The following ALG12 variants were observed in gnomAD, a reference collection of about 807,000 sequenced individuals.
The protein encoded by ALG12 is ALG12 alpha-1,6-mannosyltransferase, also known as dol-P-Man:Man(7)GlcNAc(2)-PP-Dol alpha-1,6-mannosyltransferase.
ALG12 carries 36 observed loss-of-function variants against 46.0 expected under a neutral mutation model. That is an observed-to-expected ratio of 0.78 (90% CI 0.60 to 1.03). ALG12 has a LOEUF of 1.03. Among genes scored for constraint, ALG12 ranks in the 50% least tolerant of loss-of-function variants. The pLI is 0.00. For synonymous variants in ALG12, 326 were observed against 291.6 expected (o/e 1.12, Z -1.20); for missense variants, 599 against 633.5 (o/e 0.95, Z 0.58).
the ALG12 span, among the ~76,000 whole-genome samples, chr22:49,891,460 C>A: frequency 6.6e-6 from 1 of 152,172 alleles, no homozygotes; most frequent in Middle Eastern, 3.2e-3. Context: ...CAATATTTTC[C>A]TTGCAAATTG....
intron 3 of ALG12, among the ~76,000 whole-genome samples, chr22:49,911,410 T>C (rs527365908): frequency 1.3e-5 from 2 of 152,104 alleles, no homozygotes; most frequent in African/African-American, 2.4e-5. Flanking sequence ...TTTTCACTGA[T>C]TGCTGGATTC....
the ALG12 span, among the ~76,000 whole-genome samples, chr22:49,869,181 C>A: frequency 6.6e-6 from 1 of 151,224 alleles, no homozygotes; most frequent in African/African-American, 2.4e-5. Context: ...GTCTTGTGAT[C>A]TCAGGGTCAG....
At chr22:49,885,414 G>A in the ALG12 span, 1 of 1,605,564 alleles carries the variant, frequency 6.2e-7, no homozygotes, top group Non-Finnish European at 8.5e-7. Context: ...ACTGTGGCCG[G>A]ACCATCAGCC....
At chr22:49,887,308 G>A in the ALG12 span, 1 of 986,592 alleles carries the variant, frequency 1.0e-6, no homozygotes, top group Non-Finnish European at 1.5e-6. Context: ...CCGCTCTCCA[G>A]CTCACCACAG....
the ALG12 span, among the ~76,000 whole-genome samples, chr22:49,861,101 C>T: frequency 5.3e-5 from 8 of 152,150 alleles, no homozygotes; most frequent in East Asian, 1.9e-4. Flanking sequence ...ACTTCTGCTA[C>T]GTCCTGTAAA....
the ALG12 span, among the ~76,000 whole-genome samples, chr22:49,869,241 C>T: frequency 6.6e-6 from 1 of 152,210 alleles, no homozygotes; most frequent in Middle Eastern, 3.4e-3. Flanking sequence ...TTCACGTACA[C>T]ACATGCATGT....
downstream of ALG12, among the ~76,000 whole-genome samples, chr22:49,897,177 TTA>T (rs1259363045): frequency 6.6e-6 from 1 of 152,142 alleles, no homozygotes; most frequent in Non-Finnish European, 1.5e-5. Flanking sequence ...AGTCATTCAC[TTA>T]TTTTTAGCAC....
chr22:49,875,944 C>CTTTTTT, the ALG12 span, among the ~76,000 whole-genome samples: 1 of 146,704 alleles, frequency 6.8e-6, no homozygotes. Context: ...GATTTTTTTT[C>CTTTTTT]TTTTTTTTTT....
At position 49,906,252 on chromosome 22, in the gene ALG12, G is replaced by A. The variant is rs1020364951; in HGVS notation, c.992+1469C>T. Among the ~76,000 whole-genome samples the A allele has an allele frequency of 7.9e-5, 12 of 152,130 alleles. No individual in the cohort carries two copies. The highest frequency in any genetic ancestry group is 1.5e-4 in the Non-Finnish European group (10 of 68,014). On this transcript the variant is annotated intron_variant, in intron 7 of 9. Coordinates refer to ENST00000330817, the MANE Select transcript of ALG12 (RefSeq NM_024105.4). This position sits in a 1 kb window ranked among gnomAD's most constrained non-coding sequence, Gnocchi z 4.4. Reference sequence around the variant, plus strand: ...TTCCCTGCTGGAAAAGCCTGTCACCGAATACAATCCATCCGCGCCGCTCTC... The same window carrying A: ...TTCCCTGCTGGAAAAGCCTGTCACCAAATACAATCCATCCGCGCCGCTCTC...
At chr22:49,870,941 A>T in the ALG12 span, among the ~76,000 whole-genome samples, 1 of 67,448 alleles carries the variant, frequency 1.5e-5, no homozygotes, top group Admixed American at 2.1e-4. Flanking sequence ...TTTAAAAGAT[A>T]GATTTTTTTT....
At chr22:49,884,553 G>A in the ALG12 span, 63 of 1,613,238 alleles carry the variant, frequency 3.9e-5, no homozygotes, top group Admixed American at 6.7e-5. Flanking sequence ...TCTACCTGTC[G>A]CCACTGGACA....
intron 1 of ALG12, among the ~76,000 whole-genome samples, chr22:49,914,330 C>T (rs1219877305): frequency 1.3e-5 from 2 of 152,246 alleles, no homozygotes; most frequent in Non-Finnish European, 2.9e-5. Context: ...AGTACAGCTG[C>T]TGGGACACAG....
downstream of ALG12, among the ~76,000 whole-genome samples, chr22:49,895,657 TA>T (rs59138053): frequency 0.23 from 29,490 of 125,504 alleles, 4,461 homozygotes; most frequent in African/African-American, 0.47. Context: ...ATCTCAAAAA[TA>T]AAAAAAAAAA....
At chr22:49,864,809 G>A in the ALG12 span, among the ~76,000 whole-genome samples, 3 of 88,296 alleles carry the variant, frequency 3.4e-5, no homozygotes, top group Non-Finnish European at 4.0e-5. Flanking sequence ...GCCAGAGTGA[G>A]ACCCTGTCTC....
chr22:49,918,186 T>TCG (rs2060630815), intron 1 of ALG12, 77 bp downstream of exon 1: 1 of 152,336 alleles, frequency 6.6e-6, no homozygotes, highest in Admixed American at 6.5e-5. Context: ...CCAGCTCGGG[T>TCG]CGCGCCCTCG....
rs1332485600 is a variant in ALG12 at position 49,918,390 on chromosome 22, AGCCCCGGCC to A, written c.-215_-207del. 5 of 166,184 alleles carry A rather than the reference AGCCCCGGCC, an allele frequency of 3.0e-5. No homozygotes were observed. Among genetic ancestry groups the A allele is most frequent in the Non-Finnish European group, 6.5e-5 (5 of 77,370 alleles). 10.3% of individuals were successfully genotyped at this position (166,184 alleles called of 1,614,324 possible). On this transcript the variant is annotated 5_prime_UTR_variant, in exon 1 of 10. Coordinates refer to ENST00000330817, the MANE Select transcript of ALG12 (RefSeq NM_024105.4). ...TGCCCAAATCTAAAGTGGCTACCGC[AGCCCCGGCC>A]GCTACGGCCGCAGAGACCCTCTGTG...
At chr22:49,885,162 T>C in the ALG12 span, 19,195 of 1,613,038 alleles carry the variant, frequency 0.012, 376 homozygotes, top group South Asian at 0.067. Flanking sequence ...TGATGAGACA[T>C]CTCTACCGGC....
At position 49,906,597 on chromosome 22, in the gene ALG12, G is replaced by A. The variant is rs945295947; in HGVS notation, c.992+1124C>T. ...AAGTGGCACCGGAAAGCACCTGACC[G>A]CTGCCTGAGATCAGGGACCGCATTG... On this transcript the variant is annotated intron_variant, in intron 7 of 9. Transcript: ENST00000330817. The surrounding 1 kb of genome is among the most constrained non-coding windows in gnomAD (Gnocchi z 4.4). Among the ~76,000 whole-genome samples the A allele has an allele frequency of 5.3e-5, 8 of 152,178 alleles. No individual in the cohort carries two copies. The highest frequency in any genetic ancestry group is 4.1e-4 in the South Asian group (2 of 4,828).
the ALG12 span, among the ~76,000 whole-genome samples, chr22:49,860,226 G>A: frequency 6.6e-6 from 1 of 152,276 alleles, no homozygotes; most frequent in African/African-American, 2.4e-5. Flanking sequence ...TTGAGCCTGG[G>A]AGGTTGAGGC....
Sources: gnomAD v4.1 joint callset for allele counts (sites outside exome capture counted in the v4.1 genomes callset) on GRCh38, gnomAD v4.1.1 for gene constraint, Gnocchi (gnomAD v3.1) non-coding constraint, MANE v1.5 for transcripts, NCBI Gene and HGNC (gene_info 2026-07-23, HGNC 2026-07-21) for gene names.